EXOC4: variants seen among roughly 807,000 people sequenced by gnomAD.
The protein encoded by EXOC4 is exocyst complex component 4, also known as SEC8-like 1.
A neutral mutation model predicts 107.2 loss-of-function variants in EXOC4; 71 were observed. The observed-to-expected ratio is 0.66, with a 90% confidence interval of 0.55 to 0.81. EXOC4 has a LOEUF of 0.81. Ranked by LOEUF, EXOC4 falls within the 30% of genes least tolerant of loss-of-function variation. The pLI is 0.00. For synonymous variants in EXOC4, 456 were observed against 441.2 expected, an observed-to-expected ratio of 1.03 and a Z score of -0.42; for missense variants, 1,108 against 1,189.6, an observed-to-expected ratio of 0.93 and a Z score of 1.01.
the EXOC4 span, among the ~76,000 whole-genome samples, chr7:134,081,729 GA>G: frequency 5.3e-5 from 8 of 152,304 alleles, no homozygotes; most frequent in African/African-American, 1.9e-4. Flanking sequence ...TAGGTTAACT[GA>G]GGGGATGACC....
At chr7:134,075,473 C>T in the EXOC4 span, among the ~76,000 whole-genome samples, 1 of 152,154 alleles carries the variant, frequency 6.6e-6, no homozygotes, top group African/African-American at 2.4e-5. Flanking sequence ...AGGCAAAAGG[C>T]TTGTCTTAGA....
intron 10 of EXOC4, among the ~76,000 whole-genome samples, chr7:133,713,600 T>C (rs1794940150): frequency 6.6e-6 from 1 of 152,198 alleles, no homozygotes; most frequent in Admixed American, 6.5e-5. Context: ...ACATCTCCTC[T>C]TGGATTGTAA....
At chr7:133,478,381 T>C (rs1381581976) in intron 8 of EXOC4, among the ~76,000 whole-genome samples, 1 of 152,166 alleles carries the variant, frequency 6.6e-6, no homozygotes, top group African/African-American at 2.4e-5. Context: ...TTTTTTATTA[T>C]TGGGCAGTAA....
intron 9 of EXOC4, among the ~76,000 whole-genome samples, chr7:133,526,926 T>C (rs1395029148): frequency 6.6e-6 from 1 of 151,748 alleles, no homozygotes; most frequent in African/African-American, 2.4e-5. Context: ...GAGCCGAGAT[T>C]GCGCTACTGC....
chr7:133,927,105 A>G (rs1800068712), intron 13 of EXOC4, among the ~76,000 whole-genome samples: 1 of 151,592 alleles, frequency 6.6e-6, no homozygotes, highest in East Asian at 2.0e-4. Context: ...GAGAAGGATC[A>G]GCCCCTCCTC....
intron 10 of EXOC4, among the ~76,000 whole-genome samples, chr7:133,814,056 A>G (rs1253997729): frequency 6.6e-6 from 1 of 152,222 alleles, no homozygotes; most frequent in Non-Finnish European, 1.5e-5. Flanking sequence ...TTATTTGAGT[A>G]GCTAATACAT....
chr7:133,253,185 C>A lies in EXOC4; in HGVS notation c.84C>A (p.Ile28=). ...CCTCGGGGCTGCTCATCTCTGTGAT[C>A]AGGTGAGGGAGGCAGGAGGCAGGGT... ...KDPSGLLISV[I]RTLSTSDDVE... Residue 28 remains isoleucine, a splice_region_variant and synonymous_variant, in exon 1 of 18, where the codon ATC becomes ATA. Coordinates refer to ENST00000253861, the MANE Select transcript of EXOC4 (RefSeq NM_021807.4). The A allele has an allele frequency of 6.2e-7, 1 of 1,613,884 alleles. No homozygotes were observed. The highest frequency in any genetic ancestry group is 8.5e-7 in the Non-Finnish European group (1 of 1,179,852).
Position 134,005,097 on chromosome 7 carries a change from C to A in EXOC4, c.2527+7C>A, listed in dbSNP as rs1187324766. The stretch of plus-strand genomic sequence containing the variant: ...TTCCAGTATATCTTCGAAGGTCAGA[C>A]CCTGCTTCTGTCTCTGGGAGTTTGG... On this transcript the variant is annotated splice_region_variant and intron_variant, in intron 16 of 17. Coordinates refer to ENST00000253861, the MANE Select transcript of EXOC4 (RefSeq NM_021807.4). 2 of 1,608,996 alleles carry A rather than the reference C, an allele frequency of 1.2e-6. No homozygotes were observed. The highest frequency in any genetic ancestry group is 2.7e-5 in the African/African-American group (2 of 74,700).
intron 11 of EXOC4, among the ~76,000 whole-genome samples, chr7:133,837,289 G>A (rs966702135): frequency 2.0e-5 from 3 of 152,162 alleles, no homozygotes; most frequent in Non-Finnish European, 4.4e-5. Context: ...TCTTTGCACA[G>A]TACACTTAAT....
intron 9 of EXOC4, among the ~76,000 whole-genome samples, chr7:133,520,316 G>A (rs1489073869): frequency 6.6e-6 from 1 of 151,542 alleles, no homozygotes; most frequent in Non-Finnish European, 1.5e-5. Context: ...TTGGGGTGGG[G>A]TGTGTGTGTG....
chr7:133,339,175 C>T (rs1285885371), intron 5 of EXOC4, among the ~76,000 whole-genome samples: 3 of 152,314 alleles, frequency 2.0e-5, no homozygotes, highest in Non-Finnish European at 4.4e-5. Flanking sequence ...CCAACTCCAT[C>T]CAGGTTGCTG....
chr7:134,062,785 T>G (rs1453745844), intron 17 of EXOC4, among the ~76,000 whole-genome samples: 1 of 152,210 alleles, frequency 6.6e-6, no homozygotes, highest in African/African-American at 2.4e-5. Context: ...GGCATAGTAT[T>G]GGTTTAAAGA....
chr7:133,869,375 G>A (rs1290795038), intron 11 of EXOC4, among the ~76,000 whole-genome samples: 2 of 152,050 alleles, frequency 1.3e-5, no homozygotes, highest in Non-Finnish European at 1.5e-5. Context: ...GTGTTCTCTT[G>A]GGCAAAGAAC....
At chr7:133,701,822 G>C (rs1794661766) in intron 10 of EXOC4, among the ~76,000 whole-genome samples, 1 of 151,910 alleles carries the variant, frequency 6.6e-6, no homozygotes, top group Non-Finnish European at 1.5e-5. Context: ...ATACCCTGAA[G>C]GTAACTTTGT....
At chr7:134,098,037 G>A in the EXOC4 span, among the ~76,000 whole-genome samples, 1 of 152,188 alleles carries the variant, frequency 6.6e-6, no homozygotes, top group African/African-American at 2.4e-5. Context: ...CCCAAGCACT[G>A]TCACGAAAGG....
At chr7:133,675,316 T>C (rs1270677627) in intron 10 of EXOC4, among the ~76,000 whole-genome samples, 3 of 152,130 alleles carry the variant, frequency 2.0e-5, no homozygotes, top group Non-Finnish European at 4.4e-5. Context: ...GGCCATTCTG[T>C]TTTATGGTTG....
At chr7:133,651,805 C>G (rs1177593488) in intron 10 of EXOC4, among the ~76,000 whole-genome samples, 2 of 152,154 alleles carry the variant, frequency 1.3e-5, no homozygotes, top group South Asian at 4.1e-4. Flanking sequence ...ACGCCTCAGC[C>G]TCCCAAATAA....
intron 9 of EXOC4, among the ~76,000 whole-genome samples, chr7:133,579,889 T>C (rs1162625289): frequency 6.8e-6 from 1 of 147,192 alleles, no homozygotes; most frequent in Non-Finnish European, 1.5e-5. Flanking sequence ...GGTTTCACCA[T>C]GTTGGCCAGG....
chr7:133,289,398 G>T (rs1794354843), intron 3 of EXOC4, among the ~76,000 whole-genome samples: 1 of 152,212 alleles, frequency 6.6e-6, no homozygotes, highest in Admixed American at 6.5e-5. Context: ...GTGTTTTTTA[G>T]CTTCAGAGGA....
Sources: gnomAD v4.1 joint callset for allele counts (sites outside exome capture counted in the v4.1 genomes callset) on GRCh38, gnomAD v4.1.1 for gene constraint, MANE v1.5 for transcripts, NCBI Gene and HGNC (gene_info 2026-07-23, HGNC 2026-07-21) for gene names.